The following ZNF718 variants were observed in gnomAD, a reference collection of about 807,000 sequenced individuals.
ZNF718 encodes zinc finger protein 718.
In ZNF718, 3 loss-of-function variants were observed where a neutral mutation model predicts 2.6. That is an observed-to-expected ratio of 1.16 (90% CI 0.53 to 3.01). The LOEUF (loss-of-function observed/expected upper bound fraction) is 3.01, where lower values mean the gene tolerates loss of function less well. Ranked by LOEUF, ZNF718 falls within the 30% of genes most tolerant of loss-of-function variation. ZNF718 has a pLI of 0.03. For synonymous variants in ZNF718, 135 were observed against 77.9 expected, an observed-to-expected ratio of 1.73 and a Z score of -3.86; for missense variants, 468 against 230.0, an observed-to-expected ratio of 2.03 and a Z score of -6.69.
chr4:157,404 C>T lies in ZNF718; in HGVS notation c.227-3508C>T, dbSNP rs543853362. On this transcript the variant is annotated intron_variant, in intron 3 of 3. Coordinates refer to ENST00000510175, the MANE Select transcript of ZNF718 (RefSeq NM_001039127.6). Reference sequence around the variant, plus strand: ...GCTGGTATTAACAGGTGTGAGCCACCGCACCCGGCCTTGTTGTTTTTCTTA... The same window carrying T: ...GCTGGTATTAACAGGTGTGAGCCACTGCACCCGGCCTTGTTGTTTTTCTTA... 1.1e-3 allele frequency among the ~76,000 whole-genome samples: 160 copies of T among 152,104 alleles called. 1 individual carries two copies. Among genetic ancestry groups the T allele is most frequent in the African/African-American group, 3.6e-3 (149 of 41,526 alleles).
rs144360382 is a variant in ZNF718, at chr4:140,336, G to C, written c.226+8831G>C. ...CTTCCCAAAGGGGACGTTCTTGGCA[G>C]AGGTTCTGAGGTCTGGTACTAAACC... is the stretch of plus-strand genomic sequence containing the variant. On this transcript the variant is annotated intron_variant, in intron 3 of 3. Transcript: ENST00000510175. Among the ~76,000 whole-genome samples, 261 of 152,306 alleles carry C rather than the reference G, an allele frequency of 1.7e-3. 1 individual carries two copies. Among genetic ancestry groups the C allele is most frequent in the African/African-American group, 6.1e-3 (254 of 41,568 alleles).
At chr4:182,671 G>C (rs1553820016) in intron 3 of ZNF718, among the ~76,000 whole-genome samples, 1 of 151,976 alleles carries the variant, frequency 6.6e-6, no homozygotes, top group Non-Finnish European at 1.5e-5. Flanking sequence ...CACCTCAAGT[G>C]ATCCGCCCAC....
rs1269985386 is a variant in ZNF718 at position 124,532 on chromosome 4, G to T, written c.-139G>T. The T allele has an allele frequency of 2.7e-5, 33 of 1,242,768 alleles. No homozygotes were observed. The Admixed American group carries it at 3.9e-4, about 15-fold the overall frequency. 77.0% of individuals were successfully genotyped at this position (1,242,768 alleles called of 1,614,324 possible). On this transcript the variant is annotated 5_prime_UTR_variant, in exon 1 of 4. Coordinates refer to ENST00000510175, the MANE Select transcript of ZNF718 (RefSeq NM_001039127.6). ...TGCTTGTAGCTCCAGCCAGAGCTCG[G>T]TTAGGGCCTCATCGCTCTGCTCCCG...
chr4:163,855 T>A lies in ZNF718; in HGVS notation c.*1733T>A, dbSNP rs1717016504. ...TCTCATGTTAAATTTTTATTATTTTTTATATTTAAATTTATTTTTAAAAAT... is the reference window on the plus strand; with the variant it reads ...TCTCATGTTAAATTTTTATTATTTTATATATTTAAATTTATTTTTAAAAAT... On this transcript the variant is annotated 3_prime_UTR_variant, in exon 4 of 4. Coordinates refer to ENST00000510175, the MANE Select transcript of ZNF718 (RefSeq NM_001039127.6). 6.6e-6 allele frequency: 1 copy of A among 151,922 alleles called. No individual in the cohort carries two copies. The highest frequency in any genetic ancestry group is 2.1e-4 in the South Asian group (1 of 4,828). 9.4% of individuals were successfully genotyped at this position (151,922 alleles called of 1,614,324 possible). A position where few individuals can be genotyped will look rare whatever the true frequency, so the allele number is the denominator to read the frequency against.
intron 1 of ZNF718, chr4:125,221 TC>T (rs1233663390): frequency 1.9e-5 from 3 of 154,216 alleles, no homozygotes; most frequent in African/African-American, 4.8e-5. Context: ...GCGTGGCTGT[TC>T]CTGAATACGC....
intron 3 of ZNF718, among the ~76,000 whole-genome samples, chr4:180,639 T>G (rs1451786721): frequency 1.4e-4 from 22 of 152,352 alleles, no homozygotes; most frequent in Non-Finnish European, 1.0e-4. Flanking sequence ...ACACTGTGTT[T>G]AGGGCAATCA....
At chr4:197,298 C>T (rs1468813408) in intron 3 of ZNF718, among the ~76,000 whole-genome samples, 2 of 151,568 alleles carry the variant, frequency 1.3e-5, no homozygotes, top group Non-Finnish European at 2.9e-5. Flanking sequence ...TGAGGTGGTG[C>T]AAAATAGAGG....
chr4:198,443 G>A (rs782459609), intron 3 of ZNF718, among the ~76,000 whole-genome samples: 22 of 152,122 alleles, frequency 1.4e-4, no homozygotes, highest in African/African-American at 3.9e-4. Context: ...AAGAGGGAGC[G>A]CACTTCAGTG....
rs34812042 is a variant in ZNF718 at position 163,032 on chromosome 4, C to CT, written c.*917dup. 4 of 152,068 alleles carry CT rather than the reference C, an allele frequency of 2.6e-5. No individual in the cohort carries two copies. Among genetic ancestry groups the CT allele is most frequent in the African/African-American group, 9.6e-5 (4 of 41,492 alleles). 9.4% of individuals were successfully genotyped at this position (152,068 alleles called of 1,614,324 possible). A position where few individuals can be genotyped will look rare whatever the true frequency, so the allele number is the denominator to read the frequency against. ...TTGAAATTATTCCATTGAAATTATA[C>CT]TTTTTTTACCTGAAAAAATTATAGA... is the stretch of plus-strand genomic sequence containing the variant. On this transcript the variant is annotated 3_prime_UTR_variant, in exon 4 of 4. Coordinates refer to ENST00000510175, the MANE Select transcript of ZNF718 (RefSeq NM_001039127.6).
downstream of ZNF718, among the ~76,000 whole-genome samples, chr4:169,059 T>C (rs1717162595): frequency 1.3e-5 from 2 of 152,252 alleles, no homozygotes; most frequent in South Asian, 4.1e-4. Flanking sequence ...TGTGTCTTTG[T>C]TCTCACTGGT....
At chr4:151,631 C>A (rs547672173) in intron 3 of ZNF718, among the ~76,000 whole-genome samples, 2 of 152,138 alleles carry the variant, frequency 1.3e-5, no homozygotes, top group Non-Finnish European at 2.9e-5. Flanking sequence ...CAGGTGCCCA[C>A]CATCATGCCG....
Position 163,056 on chromosome 4 carries a change from G to C in ZNF718, c.*934G>C, listed in dbSNP as rs535427324. On this transcript the variant is annotated 3_prime_UTR_variant, in exon 4 of 4. Coordinates refer to ENST00000510175, the MANE Select transcript of ZNF718 (RefSeq NM_001039127.6). ...ACTTTTTTTACCTGAAAAAATTATA[G>C]ATTTTTTGAAAAGCAAATTCAACTC... 1 of 152,138 alleles carries C rather than the reference G, an allele frequency of 6.6e-6. No homozygotes were observed. The highest frequency in any genetic ancestry group is 2.4e-5 in the African/African-American group (1 of 41,496). 9.4% of individuals were successfully genotyped at this position (152,138 alleles called of 1,614,324 possible). A position where few individuals can be genotyped will look rare whatever the true frequency, so the allele number is the denominator to read the frequency against.
intron 2 of ZNF718, 63 bp from the exon 3 acceptor site, chr4:131,347 A>G (rs1188515044): frequency 7.0e-6 from 2 of 287,680 alleles, no homozygotes; most frequent in African/African-American, 5.6e-5. Flanking sequence ...TTAGCATAGT[A>G]CTAGGTTGGT....
At chr4:183,222 A>T (rs1200274271) in intron 3 of ZNF718, among the ~76,000 whole-genome samples, 1 of 152,192 alleles carries the variant, frequency 6.6e-6, no homozygotes, top group Non-Finnish European at 1.5e-5. Context: ...GCATATGGCT[A>T]GCCAGTTCTC....
At chr4:156,554 T>G (rs1477394485) in intron 3 of ZNF718, among the ~76,000 whole-genome samples, 1 of 152,202 alleles carries the variant, frequency 6.6e-6, no homozygotes, top group Non-Finnish European at 1.5e-5. Context: ...ATATTGACAT[T>G]GTTATGCATT....
Position 130,569 on chromosome 4 carries a change from A to G in ZNF718, c.4-219A>G, listed in dbSNP as rs1254421467. On this transcript the variant is annotated intron_variant, in intron 1 of 3. Transcript: ENST00000510175. ...GAGACCATCCTGGCCAACATCGTGA[A>G]ACCCTGTCTCTAATAAACAAAAATT... Among the ~76,000 whole-genome samples, 2 of 101,674 alleles carry G rather than the reference A, an allele frequency of 2.0e-5. 1 individual carries two copies. The highest frequency in any genetic ancestry group is 1.1e-3 in the East Asian group (2 of 1,856). The allele number at this position is 101,674 out of a possible 152,430, so 66.7% of individuals were successfully genotyped here.
At chr4:178,715 C>T (rs1437633447) in intron 3 of ZNF718, among the ~76,000 whole-genome samples, 2 of 152,114 alleles carry the variant, frequency 1.3e-5, no homozygotes, top group Non-Finnish European at 2.9e-5. Flanking sequence ...CTTTGGAGAC[C>T]TTGGTTCATT....
intron 3 of ZNF718, among the ~76,000 whole-genome samples, chr4:153,463 A>G (rs1397372611): frequency 6.6e-6 from 1 of 152,188 alleles, no homozygotes; most frequent in East Asian, 1.9e-4. Flanking sequence ...AGTCATTGAT[A>G]TTATGATAGA....
At chr4:147,880 C>G (rs1286822317) in intron 3 of ZNF718, among the ~76,000 whole-genome samples, 1 of 151,938 alleles carries the variant, frequency 6.6e-6, no homozygotes, top group Non-Finnish European at 1.5e-5. Context: ...GGAAAAAAAA[C>G]CCTCCAATTA....
Sources: allele counts gnomAD v4.1 joint callset (sites outside exome capture counted in the v4.1 genomes callset), GRCh38; gene constraint gnomAD v4.1.1; transcripts MANE v1.5; gene names NCBI Gene and HGNC (gene_info 2026-07-23, HGNC 2026-07-21).